The following FRAS1 variants were observed in gnomAD, a reference collection of about 807,000 sequenced individuals.
FRAS1 encodes Fraser extracellular matrix complex subunit 1, also known as extracellular matrix organizing protein FRAS1.
In FRAS1, 290 loss-of-function variants were observed where a neutral mutation model predicts 435.2. The ratio of observed to expected loss-of-function variants is 0.67; its 90% CI spans 0.61 to 0.73. The LOEUF is 0.73. Ranked by LOEUF, FRAS1 falls within the 30% of genes least tolerant of loss-of-function variation. The pLI, the probability that FRAS1 is intolerant of heterozygous loss-of-function variation, is 0.00. For synonymous variants in FRAS1, 1,800 were observed against 1,851.0 expected (o/e 0.97, Z 0.71); for missense variants, 4,860 against 5,001.5 (o/e 0.97, Z 0.85).
chr4:78,335,582 A>G (rs968261207), intron 19 of FRAS1, among the ~76,000 whole-genome samples: 2 of 152,224 alleles, frequency 1.3e-5, no homozygotes, highest in African/African-American at 4.8e-5. Context: ...TTATGCACAC[A>G]GTTAGGGATG....
chr4:78,465,102 A>G (rs1719487318), intron 49 of FRAS1, among the ~76,000 whole-genome samples: 1 of 152,222 alleles, frequency 6.6e-6, no homozygotes, highest in South Asian at 2.1e-4. Context: ...AGCATCTCAC[A>G]TTCTGACATG....
intron 9 of FRAS1, among the ~76,000 whole-genome samples, chr4:78,273,955 TG>T (rs1726857287): frequency 6.6e-6 from 1 of 152,210 alleles, no homozygotes; most frequent in Non-Finnish European, 1.5e-5. Flanking sequence ...GGACTTTTTT[TG>T]GTTGGTAGGC....
At chr4:78,119,317 A>T (rs1025884341) in intron 2 of FRAS1, among the ~76,000 whole-genome samples, 15 of 152,234 alleles carry the variant, frequency 9.9e-5, no homozygotes, top group African/African-American at 3.4e-4. Flanking sequence ...ATCCTTTAAC[A>T]AATCTCTCCC....
chr4:78,257,688 G>A (rs189455997), intron 6 of FRAS1, among the ~76,000 whole-genome samples: 1 of 152,292 alleles, frequency 6.6e-6, no homozygotes, highest in African/African-American at 2.4e-5. Flanking sequence ...GGAGAGGGGA[G>A]GAGAATTCAT....
intron 18 of FRAS1, among the ~76,000 whole-genome samples, chr4:78,332,198 G>A (rs1039272308): frequency 6.6e-6 from 1 of 152,184 alleles, no homozygotes; most frequent in Non-Finnish European, 1.5e-5. Context: ...GGTGGTGGGA[G>A]TGTGAGTTCT....
chr4:78,297,307 C>T (rs759400687), intron 14 of FRAS1, among the ~76,000 whole-genome samples: 2 of 152,174 alleles, frequency 1.3e-5, no homozygotes, highest in African/African-American at 2.4e-5. Flanking sequence ...TGGAAACTTA[C>T]TCCAAACAGC....
At chr4:78,123,348 G>A (rs1302717158) in intron 2 of FRAS1, among the ~76,000 whole-genome samples, 1 of 152,120 alleles carries the variant, frequency 6.6e-6, no homozygotes, top group African/African-American at 2.4e-5. Flanking sequence ...ATCTGTTTTG[G>A]TACCAGTACC....
At position 78,445,522 on chromosome 4, in the gene FRAS1, G is replaced by C. The variant is rs1297563035; in HGVS notation, c.5666G>C (p.Gly1889Ala). 6.4e-7 allele frequency: 1 copy of C among 1,564,742 alleles called. No homozygotes were observed. The highest frequency in any genetic ancestry group is 1.2e-5 in the South Asian group (1 of 81,004). ...AAATGCTCTCTTGATGTTGATGCAG[G>C]TGATCGTTTTGGCCCTGAAACTGCC... ...KYGCIENTGT[G>A]DRFGPETASD... is the part of the protein sequence containing the mutation. Residue 1889 changes from glycine (G) to alanine (A), a missense_variant and splice_region_variant, in exon 42 of 74, where the codon GGT (glycine) becomes GCT (alanine). By Grantham distance (60) the Gly-to-Ala change is moderately conservative (BLOSUM62 0). Transcript: ENST00000512123.
chr4:78,182,230 T>C (rs1000779531), intron 2 of FRAS1, among the ~76,000 whole-genome samples: 1 of 152,210 alleles, frequency 6.6e-6, no homozygotes, highest in Non-Finnish European at 1.5e-5. Flanking sequence ...CAGGATGCCA[T>C]GAAAGTATAG....
At chr4:78,413,314 G>A (rs931058272) in intron 32 of FRAS1, among the ~76,000 whole-genome samples, 1 of 152,184 alleles carries the variant, frequency 6.6e-6, no homozygotes, top group African/African-American at 2.4e-5. Flanking sequence ...CCCATCCATC[G>A]CTGATGTCCT....
chr4:78,455,920 G>C (rs1719179241), intron 47 of FRAS1, among the ~76,000 whole-genome samples: 1 of 152,086 alleles, frequency 6.6e-6, no homozygotes, highest in Admixed American at 6.6e-5. Flanking sequence ...AAAATATAAT[G>C]ACTTCAACAA....
At chr4:78,445,767 A>G (rs754481714) in intron 42 of FRAS1, 55 bp downstream of exon 42, 3 of 1,576,800 alleles carry the variant, frequency 1.9e-6, no homozygotes, top group African/African-American at 2.7e-5. Context: ...ATTTCACACC[A>G]TTAGAGAGCT....
intron 15 of FRAS1, among the ~76,000 whole-genome samples, chr4:78,315,060 G>T (rs1420094451): frequency 1.3e-5 from 2 of 152,120 alleles, no homozygotes; most frequent in Non-Finnish European, 2.9e-5. Context: ...GTTTTAGGTG[G>T]TAAATGAATA....
intron 4 of FRAS1, among the ~76,000 whole-genome samples, chr4:78,248,733 G>C (rs1181637981): frequency 6.6e-6 from 1 of 151,936 alleles, no homozygotes; most frequent in African/African-American, 2.4e-5. Flanking sequence ...TTGTATTTTT[G>C]TTCTGTCAGT....
At chr4:78,291,481 C>G (rs1014027900) in intron 14 of FRAS1, among the ~76,000 whole-genome samples, 1 of 152,180 alleles carries the variant, frequency 6.6e-6, no homozygotes, top group African/African-American at 2.4e-5. Context: ...CAGTTTCTAA[C>G]AGGCCACACA....
At chr4:78,399,067 T>TTA (rs903028675) in intron 29 of FRAS1, among the ~76,000 whole-genome samples, 2 of 152,334 alleles carry the variant, frequency 1.3e-5, no homozygotes, top group Admixed American at 1.3e-4. Flanking sequence ...ATTCTGGTGA[T>TTA]TATATATAAA....
Position 78,418,970 on chromosome 4 carries a change from G to C in FRAS1, c.4447G>C (p.Val1483Leu), listed in dbSNP as rs745349751. ...TTAGGCTAGAGAAGATGGCCTGACTGTTATTCAGCCTCATTCCCTCTCCTT... is the reference window on the plus strand; with the variant it reads ...TTAGGCTAGAGAAGATGGCCTGACTCTTATTCAGCCTCATTCCCTCTCCTT... ...HMTAREDGLT[V>L]IQPHSLSFIN... Residue 1483 changes from valine to leucine, a missense_variant, in exon 33 of 74, where the codon GTT (valine) becomes CTT (leucine). Transcript: ENST00000512123. The C allele has an allele frequency of 1.9e-6, 3 of 1,603,066 alleles. No homozygotes were observed. Among genetic ancestry groups the C allele is most frequent in the South Asian group, 1.1e-5 (1 of 88,442 alleles).
chr4:78,258,201 C>T (rs930368502), intron 6 of FRAS1, among the ~76,000 whole-genome samples: 1 of 151,950 alleles, frequency 6.6e-6, no homozygotes, highest in Non-Finnish European at 1.5e-5. Context: ...CTTAGCCGGA[C>T]ATGATGGTTC....
rs149864923 is a variant in FRAS1 at position 78,067,110 on chromosome 4, G to A, written c.108+1094G>A. On this transcript the variant is annotated intron_variant, in intron 2 of 73. Coordinates refer to ENST00000512123, the MANE Select transcript of FRAS1 (RefSeq NM_025074.7). ...AGATATTTAGACAAGTCAGTTATCC[G>A]TGCTAATAAAAGAGAATTATTTATT... Among the ~76,000 whole-genome samples the A allele has an allele frequency of 5.9e-5, 9 of 152,200 alleles. No homozygotes were observed. The South Asian group carries it at 6.2e-4, about 11-fold the overall frequency.
Sources: allele counts gnomAD v4.1 joint callset (sites outside exome capture counted in the v4.1 genomes callset), GRCh38; gene constraint gnomAD v4.1.1; transcripts MANE v1.5; gene names NCBI Gene and HGNC (gene_info 2026-07-23, HGNC 2026-07-21).